Variants in ADGRL2 observed in about 807,000 individuals in gnomAD.
ADGRL2 encodes adhesion G protein-coupled receptor L2.
Under a neutral mutation model 157.4 loss-of-function variants are expected in ADGRL2, and 44 were observed. The ratio of observed to expected loss-of-function variants is 0.28; its 90% CI spans 0.22 to 0.36. The LOEUF (loss-of-function observed/expected upper bound fraction) is 0.36. ADGRL2 is among the 10% of genes least tolerant of loss of function. The probability of loss-of-function intolerance (pLI) is 1.00; values close to 1 mark genes in which losing one functional copy is unlikely to be tolerated. For missense variants in ADGRL2, 1,510 were observed against 1,768.9 expected (o/e 0.85, Z 2.63); for synonymous variants, 585 against 624.7 (o/e 0.94, Z 0.95).
Position 81,887,578 on chromosome 1 carries a change from A to G in ADGRL2, c.74-19439A>G, listed in dbSNP as rs147230227. On this transcript the variant is annotated intron_variant, in intron 2 of 23. Transcript: ENST00000686636. ...TACTTAAGGAATGCAGTAAAAATAT[A>G]TAAAAGGAAACACCGGGCTGCATGA... Among the ~76,000 whole-genome samples, 51 of 152,352 alleles carry G rather than the reference A, an allele frequency of 3.3e-4. No individual in the cohort carries two copies. The East Asian group carries it at 8.7e-3, about 26-fold the overall frequency.
chr1:81,503,325 G>T (rs1231667729), intron 2 of ADGRL2: 2 of 1,614,056 alleles, frequency 1.2e-6, no homozygotes, highest in African/African-American at 2.7e-5. Flanking sequence ...TTGCCCAGAA[G>T]CCTGTGGTCC....
intron 3 of ADGRL2, among the ~76,000 whole-genome samples, chr1:81,617,266 C>G (rs756937377): frequency 6.6e-6 from 1 of 151,560 alleles, no homozygotes; most frequent in South Asian, 2.1e-4. Flanking sequence ...ATCTAGGTTG[C>G]ACTCGTTATG....
intron 3 of ADGRL2, among the ~76,000 whole-genome samples, chr1:81,618,019 T>C (rs898922633): frequency 2.0e-5 from 3 of 152,026 alleles, no homozygotes; most frequent in South Asian, 2.1e-4. Context: ...GCTGAATTTT[T>C]ACAGCTACAT....
intron 2 of ADGRL2, among the ~76,000 whole-genome samples, chr1:81,768,846 C>T (rs1210167898): frequency 1.3e-5 from 2 of 151,946 alleles, no homozygotes; most frequent in Non-Finnish European, 2.9e-5. Flanking sequence ...TTTGGGAGGT[C>T]GAGGCAGGCA....
chr1:81,410,110 C>T (rs1222388676), intron 1 of ADGRL2, among the ~76,000 whole-genome samples: 2 of 152,180 alleles, frequency 1.3e-5, no homozygotes, highest in Admixed American at 6.5e-5. Context: ...AGCCCAAACC[C>T]TTTCTATTAT....
intron 1 of ADGRL2, among the ~76,000 whole-genome samples, chr1:81,350,873 T>C (rs141651915): frequency 1.1e-3 from 160 of 152,300 alleles, no homozygotes; most frequent in African/African-American, 3.3e-3. Flanking sequence ...TCTTTGATCA[T>C]GAAAAGAAGA....
chr1:81,380,788 T>C (rs946830697), intron 1 of ADGRL2, among the ~76,000 whole-genome samples: 1 of 152,128 alleles, frequency 6.6e-6, no homozygotes, highest in Non-Finnish European at 1.5e-5. Context: ...TTGGTGGTGG[T>C]GGTGGTAGTG....
intron 1 of ADGRL2, among the ~76,000 whole-genome samples, chr1:81,834,836 T>C (rs1571540596): frequency 1.3e-5 from 2 of 152,252 alleles, no homozygotes; most frequent in East Asian, 3.9e-4. Context: ...AATTGAATGA[T>C]ATGTATTTTT....
chr1:81,818,843 C>T (rs1403213128), intron 1 of ADGRL2, among the ~76,000 whole-genome samples: 2 of 151,948 alleles, frequency 1.3e-5, no homozygotes, highest in African/African-American at 4.8e-5. Flanking sequence ...GAAAAAGAGA[C>T]CCCATTTATT....
intron 3 of ADGRL2, among the ~76,000 whole-genome samples, chr1:81,591,517 T>C (rs906263688): frequency 3.3e-5 from 5 of 152,188 alleles, no homozygotes; most frequent in Non-Finnish European, 7.3e-5. Context: ...TGCCAAATAA[T>C]AGAACTGAGT....
At chr1:81,721,970 T>C in intron 1 of ADGRL2, 2 of 589,830 alleles carry the variant, frequency 3.4e-6, no homozygotes, top group South Asian at 1.5e-5. Flanking sequence ...AACCAGACAC[T>C]GATGCCCTTT....
At chr1:81,853,184 A>G (rs1433474914) in intron 2 of ADGRL2, among the ~76,000 whole-genome samples, 1 of 152,192 alleles carries the variant, frequency 6.6e-6, no homozygotes, top group Non-Finnish European at 1.5e-5. Context: ...GAATTATCAC[A>G]TCTAGCAGTT....
chr1:81,782,942 T>C (rs2086878078), intron 2 of ADGRL2, among the ~76,000 whole-genome samples: 1 of 152,136 alleles, frequency 6.6e-6, no homozygotes, highest in African/African-American at 2.4e-5. Context: ...GGACAAGTAA[T>C]TGGCCGGCTT....
intron 1 of ADGRL2, among the ~76,000 whole-genome samples, chr1:81,755,530 T>C (rs2085658041): frequency 6.6e-6 from 1 of 151,690 alleles, no homozygotes; most frequent in Non-Finnish European, 1.5e-5. Context: ...CCCATGTGTT[T>C]TACCTAAACT....
intron 2 of ADGRL2, among the ~76,000 whole-genome samples, chr1:81,504,638 C>T (rs931202331): frequency 6.6e-6 from 1 of 152,112 alleles, no homozygotes; most frequent in South Asian, 2.1e-4. Flanking sequence ...GCAGGGGAGA[C>T]GACTCAGGGA....
intron 2 of ADGRL2, among the ~76,000 whole-genome samples, chr1:81,468,122 T>A (rs912201430): frequency 5.3e-5 from 8 of 152,282 alleles, no homozygotes; most frequent in Admixed American, 2.0e-4. Flanking sequence ...AGTATTGTTT[T>A]TCTAGGGAAA....
intron 11 of ADGRL2, among the ~76,000 whole-genome samples, chr1:81,961,208 T>C (rs1390549104): frequency 2.0e-5 from 3 of 152,322 alleles, no homozygotes; most frequent in East Asian, 3.9e-4. Flanking sequence ...GCATATATTA[T>C]TTCAAGCATA....
At chr1:81,950,921 A>G (rs1651574118) in intron 7 of ADGRL2, 97 bp from the exon 8 acceptor site, 5 of 774,768 alleles carry the variant, frequency 6.5e-6, no homozygotes, top group Non-Finnish European at 1.1e-5. Context: ...GAGTTTATTC[A>G]AAATTTAACA....
chr1:81,993,056 T>G lies in ADGRL2; in HGVS notation c.*1911T>G, dbSNP rs1664819623. 1.5e-5 allele frequency among the ~76,000 whole-genome samples: 1 copy of G among 66,154 alleles called. No individual in the cohort carries two copies. Among genetic ancestry groups the G allele is most frequent in the Admixed American group, 2.2e-4 (1 of 4,642 alleles). 43.4% of individuals were successfully genotyped at this position (66,154 alleles called of 152,430 possible). Reference sequence around the variant, plus strand: ...AAAAATTAAGTGCATATATATAATATACATATATATATATATATATATATA... The same window carrying G: ...AAAAATTAAGTGCATATATATAATAGACATATATATATATATATATATATA... On this transcript the variant is annotated 3_prime_UTR_variant, in exon 24 of 24. Transcript: ENST00000686636.
Sources: allele counts gnomAD v4.1 joint callset (sites outside exome capture counted in the v4.1 genomes callset), GRCh38; gene constraint gnomAD v4.1.1; transcripts MANE v1.5; gene names NCBI Gene and HGNC (gene_info 2026-07-23, HGNC 2026-07-21).